The following PPP2R2B variants were observed in gnomAD, a reference collection of about 807,000 sequenced individuals.
PPP2R2B encodes serine/threonine-protein phosphatase 2A 55 kDa regulatory subunit B beta isoform.
A neutral mutation model predicts 46.0 loss-of-function variants in PPP2R2B; 5 were observed. The observed-to-expected ratio is 0.11, with a 90% CI of 0.06 to 0.23. The LOEUF (loss-of-function observed/expected upper bound fraction) is 0.23. PPP2R2B is among the 10% of genes least tolerant of loss of function. The pLI is 1.00. For synonymous variants in PPP2R2B, 215 were observed against 206.7 expected (o/e 1.04, Z -0.34); for missense variants, 367 against 575.0 (o/e 0.64, Z 3.70).
intron 1 of PPP2R2B, among the ~76,000 whole-genome samples, chr5:146,951,189 T>G (rs538525876): frequency 5.9e-5 from 9 of 152,152 alleles, no homozygotes; most frequent in African/African-American, 2.2e-4. Context: ...TTGTTTTTTT[T>G]TAATATCAGC....
chr5:146,865,480 CTTCT>C (rs1434196003), intron 2 of PPP2R2B, among the ~76,000 whole-genome samples: 1 of 152,084 alleles, frequency 6.6e-6, no homozygotes, highest in Non-Finnish European at 1.5e-5. Flanking sequence ...AAGGATCTTC[CTTCT>C]TTAACAGGTT....
At chr5:146,624,479 T>C (rs945154031) in intron 7 of PPP2R2B, among the ~76,000 whole-genome samples, 1 of 152,106 alleles carries the variant, frequency 6.6e-6, no homozygotes, top group Admixed American at 6.6e-5. Context: ...ATCAATTCAA[T>C]CTCACCATTT....
At chr5:146,942,326 T>A (rs2151829931) in intron 1 of PPP2R2B, among the ~76,000 whole-genome samples, 1 of 152,296 alleles carries the variant, frequency 6.6e-6, no homozygotes, top group Middle Eastern at 3.4e-3. Context: ...CCACCAAAAA[T>A]AACCATGTTA....
intron 2 of PPP2R2B, among the ~76,000 whole-genome samples, chr5:146,808,693 T>C (rs1404679177): frequency 6.8e-6 from 1 of 147,950 alleles, no homozygotes; most frequent in Non-Finnish European, 1.5e-5. Context: ...TCCTCATTTC[T>C]ATCAGGGGAA....
chr5:146,779,092 C>T lies in PPP2R2B; in HGVS notation c.71-77950G>A, dbSNP rs567188494. Among the ~76,000 whole-genome samples the T allele has an allele frequency of 9.8e-5, 15 of 152,316 alleles. No individual in the cohort carries two copies. The South Asian group carries it at 3.1e-3, about 32-fold the overall frequency. ...GGCTGAGCCAATCCATCTGGGAAATCTCTCAAAGAAAGTAGCTGGAAATGA... is the reference window on the plus strand; with the variant it reads ...GGCTGAGCCAATCCATCTGGGAAATTTCTCAAAGAAAGTAGCTGGAAATGA... On this transcript the variant is annotated intron_variant, in intron 2 of 9. Transcript: ENST00000394411.
intron 2 of PPP2R2B, chr5:147,081,018 T>C: frequency 6.6e-7 from 1 of 1,507,744 alleles, no homozygotes. Flanking sequence ...CAGCACAAAC[T>C]CCCAAGGAGG....
intron 2 of PPP2R2B, among the ~76,000 whole-genome samples, chr5:146,789,360 A>G (rs1756046696): frequency 6.6e-6 from 1 of 152,186 alleles, no homozygotes; most frequent in South Asian, 2.1e-4. Context: ...ATCATCAATG[A>G]TTTTAGAATC....
At chr5:146,770,458 A>T (rs1321515087) in intron 2 of PPP2R2B, among the ~76,000 whole-genome samples, 1 of 151,938 alleles carries the variant, frequency 6.6e-6, no homozygotes, top group Non-Finnish European at 1.5e-5. Flanking sequence ...ACAATATACT[A>T]CTAAGTAAGA....
intron 1 of PPP2R2B, among the ~76,000 whole-genome samples, chr5:146,937,650 T>A (rs969911558): frequency 6.6e-6 from 1 of 151,996 alleles, no homozygotes; most frequent in Non-Finnish European, 1.5e-5. Context: ...AAAGGAGACA[T>A]CCTTTGAGCT....
intron 1 of PPP2R2B, among the ~76,000 whole-genome samples, chr5:146,988,760 A>C (rs1052998893): frequency 7.9e-5 from 12 of 151,930 alleles, no homozygotes; most frequent in Non-Finnish European, 1.2e-4. Context: ...AAGAAATAAT[A>C]AAGATCAGAG....
intron 1 of PPP2R2B, among the ~76,000 whole-genome samples, chr5:146,939,694 T>A (rs1258964411): frequency 3.9e-5 from 6 of 152,218 alleles, no homozygotes; most frequent in African/African-American, 1.2e-4. Context: ...CCTGCTTGAA[T>A]AGGAAAAATT....
chr5:146,897,603 T>A (rs1193761024), intron 1 of PPP2R2B, among the ~76,000 whole-genome samples: 1 of 152,092 alleles, frequency 6.6e-6, no homozygotes, highest in African/African-American at 2.4e-5. Context: ...GATCATCTAC[T>A]CAATTGAGTG....
Position 146,589,172 on chromosome 5 carries a change from C to CAAGA in PPP2R2B, c.*771_*774dup, listed in dbSNP as rs1252341568. Reference sequence around the variant, plus strand: ...TGGAGCCATTTAAGAGCACAAAAAGCAAGAGTAACAAGGCAGCAGATGGAA... The same window carrying CAAGA: ...TGGAGCCATTTAAGAGCACAAAAAGCAAGAAAGAGTAACAAGGCAGCAGATGGAA... On this transcript the variant is annotated 3_prime_UTR_variant, in exon 10 of 10. Transcript: ENST00000394411. The CAAGA allele has an allele frequency of 6.6e-5, 10 of 152,218 alleles. No individual in the cohort carries two copies. The highest frequency in any genetic ancestry group is 1.5e-4 in the Non-Finnish European group (10 of 68,084). 9.4% of individuals were successfully genotyped at this position (152,218 alleles called of 1,614,324 possible).
intron 7 of PPP2R2B, among the ~76,000 whole-genome samples, chr5:146,621,318 A>G (rs904415568): frequency 6.6e-6 from 1 of 152,250 alleles, no homozygotes; most frequent in Non-Finnish European, 1.5e-5. Context: ...ATGGAGACAA[A>G]GAAATGATGC....
At chr5:146,915,863 T>C (rs531804533) in intron 1 of PPP2R2B, among the ~76,000 whole-genome samples, 1 of 152,314 alleles carries the variant, frequency 6.6e-6, no homozygotes, top group African/African-American at 2.4e-5. Context: ...TCAACACTGT[T>C]ACAACATCTT....
rs923327564 is a variant in PPP2R2B, at chr5:147,022,765, C to A, written c.79+32900G>T. Among the ~76,000 whole-genome samples the A allele has an allele frequency of 2.0e-5, 3 of 151,856 alleles. No homozygotes were observed. In the East Asian group the frequency reaches 5.8e-4, roughly 29 times the overall value. On this transcript the variant is annotated intron_variant, in intron 1 of 8. Coordinates refer to the PPP2R2B transcript ENST00000336640. ...ACACATTAAGAATTACCATTGACGT[C>A]GCATCATAAACAGAGCAAACCATAA...
At chr5:146,956,682 GT>G (rs1212189051) in intron 1 of PPP2R2B, among the ~76,000 whole-genome samples, 4 of 152,074 alleles carry the variant, frequency 2.6e-5, no homozygotes, top group Non-Finnish European at 5.9e-5. Context: ...AGCCCATCTG[GT>G]CTACTATAAC....
intron 1 of PPP2R2B, among the ~76,000 whole-genome samples, chr5:146,962,454 C>T (rs531341041): frequency 2.0e-5 from 3 of 151,508 alleles, no homozygotes; most frequent in South Asian, 2.1e-4. Context: ...GTCAGGAGTT[C>T]GAGACTAGCC....
chr5:146,893,713 AGT>A (rs1762557795), intron 1 of PPP2R2B, among the ~76,000 whole-genome samples: 1 of 152,072 alleles, frequency 6.6e-6, no homozygotes, highest in Non-Finnish European at 1.5e-5. Flanking sequence ...AGAGGCTGTC[AGT>A]GGGTGGGAGG....
Sources: allele counts gnomAD v4.1 joint callset (sites outside exome capture counted in the v4.1 genomes callset), GRCh38; gene constraint gnomAD v4.1.1; transcripts MANE v1.5; gene names NCBI Gene and HGNC (gene_info 2026-07-23, HGNC 2026-07-21).